The following EGFLAM variants were observed in gnomAD, a reference collection of about 807,000 sequenced individuals.
EGFLAM encodes the protein EGF like, fibronectin type III and laminin G domains.
In EGFLAM, 79 loss-of-function variants were observed where a neutral mutation model predicts 113.1. That is an observed-to-expected ratio of 0.70 (90% CI 0.58 to 0.84). The LOEUF (loss-of-function observed/expected upper bound fraction) is 0.84. Among genes scored for constraint, EGFLAM ranks in the 40% least tolerant of loss-of-function variants. The pLI is 0.00. For missense variants in EGFLAM, 1,265 were observed against 1,291.6 expected, an observed-to-expected ratio of 0.98 and a Z score of 0.32; for synonymous variants, 504 against 487.6, an observed-to-expected ratio of 1.03 and a Z score of -0.44.
intron 10 of EGFLAM, among the ~76,000 whole-genome samples, chr5:38,409,592 A>G (rs534505533): frequency 6.6e-6 from 1 of 152,308 alleles, no homozygotes; most frequent in Non-Finnish European, 1.5e-5. Flanking sequence ...ACTCCTGTCA[A>G]TCCTGAGGAT....
At chr5:38,308,804 C>A (rs980919754) in intron 1 of EGFLAM, among the ~76,000 whole-genome samples, 1 of 152,136 alleles carries the variant, frequency 6.6e-6, no homozygotes, top group Non-Finnish European at 1.5e-5. Context: ...AGAAAGAATC[C>A]GGAATGAAGA....
At chr5:38,322,549 C>A (rs963981382) in intron 1 of EGFLAM, among the ~76,000 whole-genome samples, 4 of 152,202 alleles carry the variant, frequency 2.6e-5, no homozygotes, top group Non-Finnish European at 4.4e-5. Flanking sequence ...TCTGCAGATA[C>A]TTCCCCATGA....
chr5:38,404,940 T>G (rs944198396), intron 6 of EGFLAM, among the ~76,000 whole-genome samples: 3 of 152,144 alleles, frequency 2.0e-5, no homozygotes, highest in African/African-American at 7.2e-5. Flanking sequence ...CGGATGACAG[T>G]TGAATAAAAA....
At chr5:38,407,272 A>G in intron 8 of EGFLAM, 126 bp downstream of exon 8, 2 of 1,045,108 alleles carry the variant, frequency 1.9e-6, no homozygotes, top group Admixed American at 2.8e-5. Flanking sequence ...TCGTCCACAT[A>G]TTGGTCATTA....
intron 6 of EGFLAM, among the ~76,000 whole-genome samples, chr5:38,372,011 A>C (rs1740235706): frequency 6.6e-6 from 1 of 152,146 alleles, no homozygotes; most frequent in African/African-American, 2.4e-5. Context: ...TCTGTCCCTT[A>C]GCTTTCCCTT....
At chr5:38,311,119 T>A (rs1738431461) in intron 1 of EGFLAM, among the ~76,000 whole-genome samples, 1 of 152,180 alleles carries the variant, frequency 6.6e-6, no homozygotes, top group South Asian at 2.1e-4. Context: ...TATTTATTTA[T>A]GGTGTACAAC....
rs538812581 is a variant in EGFLAM, at chr5:38,384,980, A to G, written c.712+14518A>G. 3.5e-4 allele frequency among the ~76,000 whole-genome samples: 53 copies of G among 152,218 alleles called. 1 individual carries two copies. The highest frequency in any genetic ancestry group is 3.1e-3 in the Admixed American group (48 of 15,282). On this transcript the variant is annotated intron_variant, in intron 6 of 21. Coordinates refer to ENST00000322350, the MANE Select transcript of EGFLAM (RefSeq NM_152403.4). Reference sequence around the variant, plus strand: ...TGTTGCTAAATATGAATACCTTGCAATGCACAGAACAGCCCCCTACAATGG... The same window carrying G: ...TGTTGCTAAATATGAATACCTTGCAGTGCACAGAACAGCCCCCTACAATGG...
At chr5:38,364,326 T>C (rs1324193731) in intron 5 of EGFLAM, among the ~76,000 whole-genome samples, 1 of 152,174 alleles carries the variant, frequency 6.6e-6, no homozygotes, top group African/African-American at 2.4e-5. Flanking sequence ...AAGCTTGATC[T>C]GACCTAGTTT....
chr5:38,435,357 G>T, intron 16 of EGFLAM, 104 bp downstream of exon 16: 1 of 889,644 alleles, frequency 1.1e-6, no homozygotes. Flanking sequence ...AAGACACTTT[G>T]AGAAAGTTTT....
At chr5:38,274,148 C>G (rs533480674) in intron 1 of EGFLAM, among the ~76,000 whole-genome samples, 3 of 151,034 alleles carry the variant, frequency 2.0e-5, no homozygotes, top group Non-Finnish European at 4.4e-5. Context: ...AAATATACAG[C>G]GAGGATTAAA....
chr5:38,259,372 A>G (rs953459800), intron 1 of EGFLAM, among the ~76,000 whole-genome samples: 3 of 152,220 alleles, frequency 2.0e-5, no homozygotes, highest in African/African-American at 7.2e-5. Flanking sequence ...CCATTTGTTC[A>G]GAAGGAAGCA....
chr5:38,425,406 A>T (rs1445869892), intron 13 of EGFLAM, among the ~76,000 whole-genome samples: 1 of 152,110 alleles, frequency 6.6e-6, no homozygotes, highest in East Asian at 1.9e-4. Flanking sequence ...ACCTCAAGTG[A>T]TCCACCCGCC....
chr5:38,355,533 C>T (rs914045717), intron 5 of EGFLAM, among the ~76,000 whole-genome samples: 3 of 152,042 alleles, frequency 2.0e-5, no homozygotes, highest in South Asian at 2.1e-4. Flanking sequence ...GTCTGTAAAA[C>T]GTGGGCGATG....
intron 19 of EGFLAM, among the ~76,000 whole-genome samples, chr5:38,454,359 C>A (rs543601600): frequency 6.8e-6 from 1 of 146,720 alleles, no homozygotes; most frequent in Non-Finnish European, 1.5e-5. Flanking sequence ...TGATCCCCCA[C>A]GTGGGCTCAT....
intron 6 of EGFLAM, among the ~76,000 whole-genome samples, chr5:38,386,472 C>T (rs978101798): frequency 7.2e-5 from 11 of 152,106 alleles, no homozygotes; most frequent in Non-Finnish European, 7.4e-5. Flanking sequence ...AGATTACAGG[C>T]GTGAGCCACT....
At chr5:38,329,858 C>T (rs1738995337) in intron 1 of EGFLAM, among the ~76,000 whole-genome samples, 1 of 152,122 alleles carries the variant, frequency 6.6e-6, no homozygotes, top group Non-Finnish European at 1.5e-5. Flanking sequence ...GTCCCTATGT[C>T]TCTCTTCATC....
At chr5:38,283,025 T>C (rs576926697) in intron 1 of EGFLAM, among the ~76,000 whole-genome samples, 2 of 152,262 alleles carry the variant, frequency 1.3e-5, no homozygotes, top group East Asian at 3.9e-4. Context: ...CTAATTGTTT[T>C]TGAATTTTTA....
chr5:38,427,516 T>A (rs34201149), intron 14 of EGFLAM: 45,259 of 450,346 alleles, frequency 0.1, 2,625 homozygotes, highest in African/African-American at 0.14. Flanking sequence ...GAAAATGGAC[T>A]TGCTTCAGGT....
intron 1 of EGFLAM, among the ~76,000 whole-genome samples, chr5:38,272,979 C>G (rs1292093993): frequency 1.3e-5 from 2 of 151,796 alleles, no homozygotes; most frequent in African/African-American, 4.8e-5. Context: ...AGCAATCATT[C>G]CCCTGCATAA....
Sources: allele counts gnomAD v4.1 joint callset (sites outside exome capture counted in the v4.1 genomes callset), GRCh38; gene constraint gnomAD v4.1.1; transcripts MANE v1.5; gene names NCBI Gene and HGNC (gene_info 2026-07-23, HGNC 2026-07-21).